The following SPATA12 variants were observed in gnomAD, a reference collection of about 807,000 sequenced individuals.
SPATA12 encodes spermatogenesis associated 12.
For synonymous variants in SPATA12, 85 were observed against 89.2 expected (o/e 0.95, Z 0.26); for missense variants, 219 against 226.4 (o/e 0.97, Z 0.21).
At chr3:57,064,382 G>A (rs902256987) in intron 1 of SPATA12, among the ~76,000 whole-genome samples, 2 of 151,212 alleles carry the variant, frequency 1.3e-5, no homozygotes, top group Non-Finnish European at 2.9e-5. Flanking sequence ...GGGATGCAGC[G>A]GCAAGATCAC....
chr3:57,067,815 TA>T (rs542326960), intron 1 of SPATA12, among the ~76,000 whole-genome samples: 69 of 139,960 alleles, frequency 4.9e-4, no homozygotes, highest in Non-Finnish European at 6.6e-4. Context: ...CCGTCTCTAC[TA>T]AAAAAAAAAA....
intron 1 of SPATA12, among the ~76,000 whole-genome samples, chr3:57,061,756 C>A (rs1161766359): frequency 1.3e-5 from 2 of 152,204 alleles, no homozygotes; most frequent in South Asian, 4.1e-4. Context: ...AGCAGTCTCT[C>A]ATCCTGTGTT....
Position 57,073,864 on chromosome 3 carries a change from C to A in SPATA12, c.170C>A (p.Pro57Gln), listed in dbSNP as rs765944661. The A allele has an allele frequency of 1.2e-5, 19 of 1,614,214 alleles. No homozygotes were observed. Among genetic ancestry groups the A allele is most frequent in the Non-Finnish European group, 1.4e-5 (17 of 1,180,046 alleles). ...PHCALASCQG[P>Q]GVLPGAASAL... ...TGTGCACTGGCATCATGCCAGGGTC[C>A]AGGTGTCCTGCCAGGAGCAGCCTCT... is the stretch of plus-strand genomic sequence containing the variant. The change falls in exon 2 of 2, where the codon CCA becomes CAA. Residue 57 changes from proline to glutamine, a missense_variant. Coordinates refer to ENST00000334325, the MANE Select transcript of SPATA12 (RefSeq NM_181727.2).
intron 1 of SPATA12, among the ~76,000 whole-genome samples, chr3:57,070,971 C>CAAAAA (rs1231328722): frequency 1.2e-3 from 58 of 49,290 alleles, no homozygotes; most frequent in African/African-American, 3.4e-3. Context: ...GACTCTGTCA[C>CAAAAA]AAAAAAAAAA....
intron 1 of SPATA12, among the ~76,000 whole-genome samples, chr3:57,072,941 G>T (rs1706005943): frequency 1.3e-5 from 2 of 152,160 alleles, no homozygotes; most frequent in African/African-American, 4.8e-5. Context: ...AGCTACTCGG[G>T]AGGCTGAAGC....
chr3:57,070,985 AAAG>A (rs1377041200), intron 1 of SPATA12, among the ~76,000 whole-genome samples: 2 of 124,646 alleles, frequency 1.6e-5, no homozygotes, highest in African/African-American at 5.7e-5. Flanking sequence ...AAAAAAAAAA[AAAG>A]AAAGAAAGAA....
chr3:57,061,817 A>G (rs1257593461), intron 1 of SPATA12, among the ~76,000 whole-genome samples: 1 of 152,192 alleles, frequency 6.6e-6, no homozygotes, highest in Non-Finnish European at 1.5e-5. Context: ...GAGGTGTGGT[A>G]TAATTATTTT....
At chr3:57,065,953 C>T (rs563354176) in intron 1 of SPATA12, among the ~76,000 whole-genome samples, 1 of 152,092 alleles carries the variant, frequency 6.6e-6, no homozygotes, top group African/African-American at 2.4e-5. Context: ...CAGTAATTCA[C>T]ATCTGTAATC....
At chr3:57,070,971 C>CAAAAAAAAAAAA (rs1231328722) in intron 1 of SPATA12, among the ~76,000 whole-genome samples, 1 of 49,674 alleles carries the variant, frequency 2.0e-5, no homozygotes, top group Non-Finnish European at 4.5e-5. Context: ...GACTCTGTCA[C>CAAAAAAAAAAAA]AAAAAAAAAA....
chr3:57,065,298 C>T (rs982699142), intron 1 of SPATA12, among the ~76,000 whole-genome samples: 5 of 152,038 alleles, frequency 3.3e-5, no homozygotes, highest in South Asian at 2.1e-4. Flanking sequence ...CCTATCTCTA[C>T]GAAAAATACA....
rs1010066904 is a variant in SPATA12 at position 57,074,331 on chromosome 3, A to T, written c.*64A>T. 1 of 1,440,342 alleles carries T rather than the reference A, an allele frequency of 6.9e-7. No individual in the cohort carries two copies. The highest frequency in any genetic ancestry group is 1.4e-5 in the African/African-American group (1 of 71,400). The allele number at this position is 1,440,342 out of a possible 1,614,324, so 89.2% of individuals were successfully genotyped here. ...GTTTGTCTGGGCCTTTGCACATGCT[A>T]TGCCCTCCCTTCCATCCCCCACCCC... is the stretch of plus-strand genomic sequence containing the variant. On this transcript the variant is annotated 3_prime_UTR_variant, in exon 2 of 2. Coordinates refer to ENST00000334325, the MANE Select transcript of SPATA12 (RefSeq NM_181727.2).
intron 1 of SPATA12, among the ~76,000 whole-genome samples, chr3:57,064,625 G>T (rs902140449): frequency 6.6e-6 from 1 of 152,192 alleles, no homozygotes; most frequent in South Asian, 2.1e-4. Context: ...AGGAAATTCT[G>T]ACACATGTTA....
Position 57,074,306 on chromosome 3 carries a change from G to A in SPATA12, c.*39G>A. Reference sequence around the variant, plus strand: ...TGCAACATCTGAGAGTCTGGCAGCTGTTTGTCTGGGCCTTTGCACATGCTA... The same window carrying A: ...TGCAACATCTGAGAGTCTGGCAGCTATTTGTCTGGGCCTTTGCACATGCTA... On this transcript the variant is annotated 3_prime_UTR_variant, in exon 2 of 2. Transcript: ENST00000334325. The A allele has an allele frequency of 6.4e-7, 1 of 1,568,080 alleles. No individual in the cohort carries two copies. The highest frequency in any genetic ancestry group is 8.7e-7 in the Non-Finnish European group (1 of 1,148,276).
intron 1 of SPATA12, among the ~76,000 whole-genome samples, chr3:57,066,006 A>C (rs1035906725): frequency 1.3e-5 from 2 of 151,824 alleles, no homozygotes; most frequent in African/African-American, 4.8e-5. Flanking sequence ...ACTTGAGGCC[A>C]GGAGGGCAAC....
intron 1 of SPATA12, among the ~76,000 whole-genome samples, chr3:57,062,424 G>A (rs955411957): frequency 2.0e-5 from 3 of 152,194 alleles, no homozygotes; most frequent in Non-Finnish European, 4.4e-5. Context: ...GCCCCCACTC[G>A]GGCTCAGGCT....
chr3:57,067,315 C>T (rs968644400), intron 1 of SPATA12, among the ~76,000 whole-genome samples: 13 of 151,528 alleles, frequency 8.6e-5, no homozygotes, highest in African/African-American at 2.7e-4. Flanking sequence ...ATTAGCCGGG[C>T]GTGGTGGCGG....
chr3:57,068,010 A>C (rs975840463), intron 1 of SPATA12, among the ~76,000 whole-genome samples: 1 of 151,822 alleles, frequency 6.6e-6, no homozygotes, highest in African/African-American at 2.4e-5. Flanking sequence ...AAAACAAACA[A>C]ACAACAACAA....
intron 1 of SPATA12, among the ~76,000 whole-genome samples, chr3:57,062,336 G>C (rs1705267667): frequency 6.6e-6 from 1 of 152,194 alleles, no homozygotes; most frequent in African/African-American, 2.4e-5. Flanking sequence ...AGCCTGGCAA[G>C]GGTGGCTTGT....
intron 1 of SPATA12, among the ~76,000 whole-genome samples, chr3:57,066,759 T>C (rs1373808048): frequency 6.6e-6 from 1 of 152,228 alleles, no homozygotes; most frequent in Non-Finnish European, 1.5e-5. Context: ...TTATTCTCCA[T>C]GATGTGGTGG....
Sources: allele counts gnomAD v4.1 joint callset (sites outside exome capture counted in the v4.1 genomes callset), GRCh38; gene constraint gnomAD v4.1.1; transcripts MANE v1.5; gene names NCBI Gene and HGNC (gene_info 2026-07-23, HGNC 2026-07-21).